The following MRPS27 variants were observed in gnomAD, a reference collection of about 807,000 sequenced individuals.
The protein encoded by MRPS27 is mitochondrial ribosomal protein S27.
Under a neutral mutation model 48.9 loss-of-function variants are expected in MRPS27, and 43 were observed. The observed-to-expected ratio is 0.88, with a 90% confidence interval of 0.69 to 1.13. MRPS27 has a LOEUF of 1.13. Among genes scored for constraint, MRPS27 ranks in the 50% most tolerant of loss-of-function variants. The pLI, the probability that MRPS27 is intolerant of heterozygous loss-of-function variation, is 0.00. For synonymous variants in MRPS27, 188 were observed against 171.9 expected (o/e 1.09, Z -0.73); for missense variants, 467 against 476.3 (o/e 0.98, Z 0.18).
chr5:72,244,169 A>G (rs1748443838), intron 4 of MRPS27, among the ~76,000 whole-genome samples: 1 of 152,100 alleles, frequency 6.6e-6, no homozygotes, highest in Admixed American at 6.5e-5. Flanking sequence ...TAGTCATTAG[A>G]CCTTCTGGAA....
At chr5:72,221,257 TG>T in intron 10 of MRPS27, 109 bp from the exon 11 acceptor site, 3 of 1,358,548 alleles carry the variant, frequency 2.2e-6, no homozygotes, top group Non-Finnish European at 3.0e-6. Context: ...AACAAAAGTT[TG>T]CTGACTCGTA....
At chr5:72,274,277 C>A (rs1749318843) in intron 4 of MRPS27, among the ~76,000 whole-genome samples, 1 of 152,196 alleles carries the variant, frequency 6.6e-6, no homozygotes, top group Non-Finnish European at 1.5e-5. Context: ...TCGCTTGAAC[C>A]CAAGAGGCAG....
chr5:72,228,191 A>C (rs948039416), intron 8 of MRPS27, 75 bp downstream of exon 8: 7 of 1,294,898 alleles, frequency 5.4e-6, no homozygotes, highest in Non-Finnish European at 7.7e-6. Flanking sequence ...ATCAAATTAC[A>C]ATTTTATTAT....
chr5:72,289,549 G>T, intron 4 of MRPS27, among the ~76,000 whole-genome samples: 1 of 151,872 alleles, frequency 6.6e-6, no homozygotes, highest in African/African-American at 2.4e-5. Context: ...AGTCTCCCAG[G>T]TAGTTGGGAC....
chr5:72,277,175 T>C (rs955569189), intron 4 of MRPS27, among the ~76,000 whole-genome samples: 7 of 152,134 alleles, frequency 4.6e-5, no homozygotes, highest in Non-Finnish European at 7.3e-5. Flanking sequence ...TACCATCTCA[T>C]ACCAGTAAAA....
chr5:72,256,562 T>C (rs1460561975), intron 4 of MRPS27, among the ~76,000 whole-genome samples: 1 of 152,222 alleles, frequency 6.6e-6, no homozygotes, highest in Non-Finnish European at 1.5e-5. Context: ...AACTGAGTCT[T>C]AATGTATTGC....
intron 5 of MRPS27, among the ~76,000 whole-genome samples, chr5:72,237,308 A>G (rs1351667144): frequency 6.6e-6 from 1 of 152,182 alleles, no homozygotes; most frequent in African/African-American, 2.4e-5. Context: ...TCTCACAAAC[A>G]AACTGTATAT....
rs993370560 is a variant in MRPS27 at position 72,241,561 on chromosome 5, A to G, written c.282-3433T>C. 9 of 1,300,094 alleles carry G rather than the reference A, an allele frequency of 6.9e-6. No homozygotes were observed. The Admixed American group carries it at 1.8e-4, about 27-fold the overall frequency. The allele number at this position is 1,300,094 out of a possible 1,614,324, so 80.5% of individuals were successfully genotyped here. ...GAAGAATTCCTGTTGGTGACTTTTT[A>G]AGCAGTTCAGACAAATAAATGTGGG... On this transcript the variant is annotated intron_variant, in intron 4 of 10. Transcript: ENST00000261413.
rs1358279201 is a variant in MRPS27, at chr5:72,312,878, A to G, written c.151+1203T>C. On this transcript the variant is annotated intron_variant, in intron 2 of 10. Coordinates refer to ENST00000261413, the MANE Select transcript of MRPS27 (RefSeq NM_015084.3). ...CATGATCCACCAGCCTCAGCCTCCC[A>G]AAGTGCTGGGATTACAGGTGTGAGC... Among the ~76,000 whole-genome samples the G allele has an allele frequency of 4.6e-5, 7 of 152,306 alleles. No individual in the cohort carries two copies. The East Asian group carries it at 9.6e-4, about 21-fold the overall frequency.
At chr5:72,313,522 T>C (rs1750492298) in intron 2 of MRPS27, among the ~76,000 whole-genome samples, 2 of 152,216 alleles carry the variant, frequency 1.3e-5, no homozygotes, top group Admixed American at 6.5e-5. Flanking sequence ...TGGGGCTTGG[T>C]ATTTTACAAA....
At chr5:72,266,687 G>A (rs570595183) in intron 4 of MRPS27, among the ~76,000 whole-genome samples, 71 of 152,098 alleles carry the variant, frequency 4.7e-4, no homozygotes, top group African/African-American at 1.6e-3. Flanking sequence ...GTGAAACCCC[G>A]TCTCTACTAA....
At chr5:72,235,215 G>A (rs1748169954) in intron 5 of MRPS27, among the ~76,000 whole-genome samples, 1 of 152,068 alleles carries the variant, frequency 6.6e-6, no homozygotes, top group South Asian at 2.1e-4. Flanking sequence ...ATCCAAATCA[G>A]TATTAATCCC....
chr5:72,270,478 T>C (rs1749210239), intron 4 of MRPS27, among the ~76,000 whole-genome samples: 2 of 151,752 alleles, frequency 1.3e-5, no homozygotes, highest in Non-Finnish European at 2.9e-5. Flanking sequence ...GTAATAACAA[T>C]ATAAAATAAA....
rs79509050 is a variant in MRPS27 at position 72,257,519 on chromosome 5, A to G, written c.282-19391T>C. 3.7e-3 allele frequency among the ~76,000 whole-genome samples: 566 copies of G among 152,316 alleles called. 1 individual carries two copies. Among genetic ancestry groups the G allele is most frequent in the African/African-American group, 0.013 (550 of 41,562 alleles). On this transcript the variant is annotated intron_variant, in intron 4 of 10. Coordinates refer to ENST00000261413, the MANE Select transcript of MRPS27 (RefSeq NM_015084.3). Reference sequence around the variant, plus strand: ...TGAATCTGGTGGTTCCACTGCTCCCATGAAGATTCATGTGCATGGGTTTCA... The same window carrying G: ...TGAATCTGGTGGTTCCACTGCTCCCGTGAAGATTCATGTGCATGGGTTTCA...
chr5:72,245,473 A>G (rs1292442873), intron 4 of MRPS27, among the ~76,000 whole-genome samples: 2 of 152,228 alleles, frequency 1.3e-5, no homozygotes, highest in African/African-American at 4.8e-5. Flanking sequence ...GGAACTGCAG[A>G]TAAAATTTCT....
intron 4 of MRPS27, among the ~76,000 whole-genome samples, chr5:72,245,388 G>A (rs1748485391): frequency 6.6e-6 from 1 of 152,174 alleles, no homozygotes. Flanking sequence ...TTTTGAGTAG[G>A]AAATTTATGA....
At chr5:72,315,853 C>G (rs1294920009) in intron 1 of MRPS27, among the ~76,000 whole-genome samples, 1 of 152,184 alleles carries the variant, frequency 6.6e-6, no homozygotes, top group African/African-American at 2.4e-5. Context: ...GTTACTCTAT[C>G]ACCCAGCAAT....
intron 10 of MRPS27, among the ~76,000 whole-genome samples, chr5:72,223,047 T>C (rs988366579): frequency 6.6e-6 from 1 of 152,142 alleles, no homozygotes; most frequent in African/African-American, 2.4e-5. Flanking sequence ...TCAAAGCAGC[T>C]AAGAAGCCAA....
chr5:72,282,811 CA>C (rs1442039900), intron 4 of MRPS27, among the ~76,000 whole-genome samples: 2 of 152,126 alleles, frequency 1.3e-5, no homozygotes, highest in Non-Finnish European at 1.5e-5. Context: ...TAAATATATT[CA>C]CAAACAAGAT....
Sources: gnomAD v4.1 joint callset for allele counts (sites outside exome capture counted in the v4.1 genomes callset) on GRCh38, gnomAD v4.1.1 for gene constraint, MANE v1.5 for transcripts, NCBI Gene and HGNC (gene_info 2026-07-23, HGNC 2026-07-21) for gene names.